Variants in RGS6 observed in about 807,000 individuals in gnomAD.
RGS6 encodes the protein regulator of G protein signaling 6.
RGS6 carries 30 observed loss-of-function variants against 78.5 expected under a neutral mutation model. The observed-to-expected ratio is 0.38, with a 90% CI of 0.29 to 0.52. The LOEUF (loss-of-function observed/expected upper bound fraction) is 0.52. Among genes scored for constraint, RGS6 ranks in the 20% least tolerant of loss-of-function variants. The pLI, the probability that RGS6 is intolerant of heterozygous loss-of-function variation, is 0.85. For missense variants in RGS6, 495 were observed against 609.7 expected, an observed-to-expected ratio of 0.81 and a Z score of 1.98; for synonymous variants, 206 against 206.0, an observed-to-expected ratio of 1.00 and a Z score of 0.00.
At chr14:72,192,404 G>A (rs998595371) in intron 2 of RGS6, among the ~76,000 whole-genome samples, 3 of 152,210 alleles carry the variant, frequency 2.0e-5, no homozygotes. Context: ...TCTCAGAGAT[G>A]CTAATGACTT....
At chr14:72,173,758 C>A (rs2097061323) in intron 2 of RGS6, among the ~76,000 whole-genome samples, 1 of 152,190 alleles carries the variant, frequency 6.6e-6, no homozygotes. Context: ...CTTCCCGTCC[C>A]CTCCTCTCCT....
At chr14:72,035,373 C>CTT (rs79349583) in intron 2 of RGS6, among the ~76,000 whole-genome samples, 103 of 818 alleles carry the variant, frequency 0.13, 1 homozygote, top group South Asian at 0.47. Context: ...TATTTGAATC[C>CTT]TCTATATTTA....
chr14:72,394,315 G>A (rs2090670021), intron 3 of RGS6, among the ~76,000 whole-genome samples: 1 of 152,118 alleles, frequency 6.6e-6, no homozygotes, highest in South Asian at 2.1e-4. Context: ...TACAAATATG[G>A]TGTGGGTCAC....
chr14:72,433,474 C>T (rs1297378005), intron 3 of RGS6, among the ~76,000 whole-genome samples: 1 of 151,698 alleles, frequency 6.6e-6, no homozygotes, highest in African/African-American at 2.4e-5. Context: ...ACATCCTGCA[C>T]ATGTTACCCC....
At chr14:72,047,124 A>C (rs1235548974) in intron 2 of RGS6, among the ~76,000 whole-genome samples, 2 of 152,184 alleles carry the variant, frequency 1.3e-5, no homozygotes, top group Admixed American at 1.3e-4. Context: ...GTGACACGAC[A>C]TAATGCACAC....
intron 2 of RGS6, among the ~76,000 whole-genome samples, chr14:72,311,876 C>A (rs978314342): frequency 6.6e-6 from 1 of 152,120 alleles, no homozygotes; most frequent in African/African-American, 2.4e-5. Context: ...ATGGAGTAGG[C>A]AATTGCAAAG....
intron 2 of RGS6, among the ~76,000 whole-genome samples, chr14:72,236,729 G>T (rs2051161182): frequency 6.6e-6 from 1 of 151,854 alleles, no homozygotes; most frequent in East Asian, 1.9e-4. Flanking sequence ...GGGCCGGGCA[G>T]AGGTGCTCCT....
chr14:72,512,814 G>A (rs1381266341), intron 14 of RGS6, among the ~76,000 whole-genome samples: 1 of 152,184 alleles, frequency 6.6e-6, no homozygotes, highest in African/African-American at 2.4e-5. Flanking sequence ...GTTCCATTGC[G>A]TTCATCCCTT....
intron 2 of RGS6, among the ~76,000 whole-genome samples, chr14:72,297,970 T>G (rs1000704346): frequency 6.6e-6 from 1 of 152,118 alleles, no homozygotes; most frequent in Non-Finnish European, 1.5e-5. Context: ...CTACCAGGTT[T>G]GCTAATTTGT....
intron 17 of RGS6, among the ~76,000 whole-genome samples, chr14:72,549,795 G>A (rs968908978): frequency 9.8e-5 from 15 of 152,306 alleles, no homozygotes; most frequent in African/African-American, 3.6e-4. Flanking sequence ...AAGGGAGGCG[G>A]AGGTTGCAGT....
intron 1 of RGS6, among the ~76,000 whole-genome samples, chr14:71,953,659 A>T (rs1400920624): frequency 6.6e-6 from 1 of 152,190 alleles, no homozygotes; most frequent in East Asian, 1.9e-4. Context: ...AGCCTTTTAA[A>T]AAATATTTTT....
In RGS6 at chr14:72,550,719, A is replaced by C. The variant is rs1205085596; in HGVS notation, c.1422+10625A>C. ...TCACAATCCGGTGGTTTTACACCTGATGGAGGTTTTACACCTGATGGAGGT... is the reference window on the plus strand; with the variant it reads ...TCACAATCCGGTGGTTTTACACCTGCTGGAGGTTTTACACCTGATGGAGGT... On this transcript the variant is annotated intron_variant, in intron 17 of 17. Coordinates refer to ENST00000553525, the MANE Select transcript of RGS6 (RefSeq NM_001204424.2). 4 of 1,318,900 alleles carry C rather than the reference A, an allele frequency of 3.0e-6. No homozygotes were observed. In the East Asian group the frequency reaches 1.0e-4, roughly 34 times the overall value. 81.7% of individuals were successfully genotyped at this position (1,318,900 alleles called of 1,614,324 possible).
the RGS6 span, among the ~76,000 whole-genome samples, chr14:72,580,870 A>G: frequency 6.6e-6 from 1 of 152,178 alleles, no homozygotes; most frequent in Non-Finnish European, 1.5e-5. Flanking sequence ...CCTGCCTTCA[A>G]CCTGCTCTGC....
chr14:72,525,537 G>A (rs377205594), intron 15 of RGS6, among the ~76,000 whole-genome samples: 1 of 152,214 alleles, frequency 6.6e-6, no homozygotes, highest in Non-Finnish European at 1.5e-5. Context: ...CTAGCAAAAC[G>A]TTTATATTAT....
chr14:72,067,175 C>A (rs1233153673), intron 2 of RGS6, among the ~76,000 whole-genome samples: 1 of 152,058 alleles, frequency 6.6e-6, no homozygotes, highest in Admixed American at 6.6e-5. Context: ...GGGTACATAG[C>A]CAGTAATGCG....
chr14:72,083,273 T>G (rs924350977), intron 2 of RGS6, among the ~76,000 whole-genome samples: 1 of 151,174 alleles, frequency 6.6e-6, no homozygotes, highest in African/African-American at 2.4e-5. Flanking sequence ...CCAGGTGGAG[T>G]TTTACCTCCA....
chr14:72,512,303 C>T (rs2096888539), intron 14 of RGS6, among the ~76,000 whole-genome samples: 1 of 152,170 alleles, frequency 6.6e-6, no homozygotes, highest in South Asian at 2.1e-4. Flanking sequence ...TGCCACCTTG[C>T]CTGGTCAGAG....
chr14:72,476,257 C>G (rs1312451719), intron 10 of RGS6, among the ~76,000 whole-genome samples: 1 of 152,228 alleles, frequency 6.6e-6, no homozygotes, highest in African/African-American at 2.4e-5. Flanking sequence ...AGATGGGAAT[C>G]TGCTGACCAA....
At chr14:72,536,880 C>T (rs2097258071) in intron 16 of RGS6, among the ~76,000 whole-genome samples, 2 of 152,276 alleles carry the variant, frequency 1.3e-5, no homozygotes, top group South Asian at 4.2e-4. Flanking sequence ...CAGCTCCTTC[C>T]TCCTCCTCCT....
Sources: allele counts gnomAD v4.1 joint callset (sites outside exome capture counted in the v4.1 genomes callset), GRCh38; gene constraint gnomAD v4.1.1; transcripts MANE v1.5; gene names NCBI Gene and HGNC (gene_info 2026-07-23, HGNC 2026-07-21).